CEP128: variants seen among roughly 807,000 people sequenced by gnomAD.
The protein encoded by CEP128 is centrosomal protein 128.
A neutral mutation model predicts 156.7 loss-of-function variants in CEP128; 132 were observed. That is an observed-to-expected ratio of 0.84 (90% CI 0.73 to 0.97). The LOEUF (loss-of-function observed/expected upper bound fraction) is 0.97, where lower values mean the gene tolerates loss of function less well. Among genes scored for constraint, CEP128 ranks in the 50% least tolerant of loss-of-function variants. CEP128 has a pLI of 0.00. For synonymous variants in CEP128, 469 were observed against 448.9 expected, an observed-to-expected ratio of 1.04 and a Z score of -0.57; for missense variants, 1,252 against 1,281.9, an observed-to-expected ratio of 0.98 and a Z score of 0.36.
At chr14:80,810,919 T>C (rs1216132632) in intron 13 of CEP128, among the ~76,000 whole-genome samples, 2 of 152,288 alleles carry the variant, frequency 1.3e-5, no homozygotes, top group South Asian at 2.1e-4. Context: ...GCATTAGCTA[T>C]TTTTCCTGAT....
At chr14:80,706,353 C>T (rs570564636) in intron 19 of CEP128, among the ~76,000 whole-genome samples, 1 of 152,066 alleles carries the variant, frequency 6.6e-6, no homozygotes, top group African/African-American at 2.4e-5. Context: ...TTTACAATAT[C>T]ACAATCAGGA....
intron 21 of CEP128, among the ~76,000 whole-genome samples, chr14:80,547,363 T>C (rs1890029193): frequency 1.3e-5 from 2 of 152,234 alleles, no homozygotes; most frequent in African/African-American, 4.8e-5. Context: ...TACTAAATAC[T>C]TGCAAAGCGT....
At chr14:80,915,823 A>G (rs1682560617) in intron 3 of CEP128, among the ~76,000 whole-genome samples, 1 of 152,222 alleles carries the variant, frequency 6.6e-6, no homozygotes, top group African/African-American at 2.4e-5. Context: ...CACCTATCAC[A>G]TATTTCAAAT....
At chr14:80,789,972 A>G (rs1346872095) in intron 14 of CEP128, among the ~76,000 whole-genome samples, 1 of 152,068 alleles carries the variant, frequency 6.6e-6, no homozygotes, top group East Asian at 1.9e-4. Flanking sequence ...CTTGAACTGT[A>G]TGTGATAGGA....
intron 19 of CEP128, among the ~76,000 whole-genome samples, chr14:80,621,770 A>G (rs1893489803): frequency 6.6e-6 from 1 of 152,158 alleles, no homozygotes; most frequent in Non-Finnish European, 1.5e-5. Context: ...CGATAACTCA[A>G]GTCCACTCCG....
intron 19 of CEP128, among the ~76,000 whole-genome samples, chr14:80,728,214 A>T (rs754805929): frequency 7.9e-5 from 12 of 152,240 alleles, no homozygotes; most frequent in Non-Finnish European, 1.5e-4. Context: ...ACATGTATGC[A>T]GCTAGAGGCT....
intron 4 of CEP128, among the ~76,000 whole-genome samples, chr14:80,910,928 A>T (rs1176822896): frequency 6.6e-6 from 1 of 152,224 alleles, no homozygotes. Context: ...TTGGAAACTG[A>T]TATATAAATG....
At chr14:80,845,832 A>C (rs1409433614) in intron 9 of CEP128, among the ~76,000 whole-genome samples, 1 of 152,206 alleles carries the variant, frequency 6.6e-6, no homozygotes, top group African/African-American at 2.4e-5. Flanking sequence ...AATAAATATT[A>C]ATTGATAATG....
intron 19 of CEP128, among the ~76,000 whole-genome samples, chr14:80,703,552 T>G (rs1182696036): frequency 6.6e-6 from 1 of 152,156 alleles, no homozygotes; most frequent in African/African-American, 2.4e-5. Flanking sequence ...ATGTTTCCTA[T>G]CTGATTTTCT....
At chr14:80,767,933 T>G (rs1230757376) in intron 16 of CEP128, among the ~76,000 whole-genome samples, 2 of 152,142 alleles carry the variant, frequency 1.3e-5, no homozygotes, top group Non-Finnish European at 2.9e-5. Flanking sequence ...CATCAGACTG[T>G]GAGTACCTCT....
intron 18 of CEP128, among the ~76,000 whole-genome samples, chr14:80,750,911 G>T (rs1899356791): frequency 6.6e-6 from 1 of 152,148 alleles, no homozygotes; most frequent in African/African-American, 2.4e-5. Flanking sequence ...AGGAAATTAA[G>T]GTTAAATAAG....
At chr14:80,523,617 C>CA (rs1888848817) in intron 23 of CEP128, among the ~76,000 whole-genome samples, 1 of 152,078 alleles carries the variant, frequency 6.6e-6, no homozygotes, top group Admixed American at 6.5e-5. Flanking sequence ...CCAACTACAA[C>CA]AAAAAAGGCA....
downstream of CEP128, among the ~76,000 whole-genome samples, chr14:80,494,057 T>C (rs557208015): frequency 7.2e-5 from 11 of 152,342 alleles, 1 homozygote; most frequent in African/African-American, 2.2e-4. Context: ...CTAAATGGAA[T>C]CTTTCGTGGT....
chr14:80,488,023 A>G (rs546567536), downstream of CEP128, among the ~76,000 whole-genome samples: 1 of 149,840 alleles, frequency 6.7e-6, no homozygotes, highest in East Asian at 2.0e-4. Context: ...AAATAACTAA[A>G]ATCAGAGCAG....
chr14:80,800,665 T>C (rs1447041345), intron 13 of CEP128, among the ~76,000 whole-genome samples: 1 of 152,186 alleles, frequency 6.6e-6, no homozygotes, highest in Admixed American at 6.5e-5. Context: ...GTTTCCTAAA[T>C]GTTTGTGAAC....
chr14:80,621,600 A>G (rs1893482116), intron 19 of CEP128, among the ~76,000 whole-genome samples: 2 of 152,238 alleles, frequency 1.3e-5, no homozygotes, highest in Admixed American at 1.3e-4. Context: ...AGCTTAAAAT[A>G]TACACATTAG....
chr14:80,900,553 C>T (rs1173389143), intron 6 of CEP128, among the ~76,000 whole-genome samples: 2 of 152,168 alleles, frequency 1.3e-5, no homozygotes, highest in Non-Finnish European at 2.9e-5. Context: ...GAAACTCTTC[C>T]TCATGTACAC....
chr14:80,791,805 A>G (rs1464289196), intron 14 of CEP128, among the ~76,000 whole-genome samples: 2 of 152,234 alleles, frequency 1.3e-5, no homozygotes, highest in East Asian at 3.8e-4. Context: ...TAAAAGATAA[A>G]GCATCTTTTC....
chr14:80,482,361 A>G (rs534256580), intron 14 of CEP128, among the ~76,000 whole-genome samples: 2 of 152,330 alleles, frequency 1.3e-5, no homozygotes, highest in South Asian at 2.1e-4. Context: ...ACGGTTCTTG[A>G]CTATTCCAAT....
Sources: gnomAD v4.1 joint callset for allele counts (sites outside exome capture counted in the v4.1 genomes callset) on GRCh38, gnomAD v4.1.1 for gene constraint, MANE v1.5 for transcripts, NCBI Gene and HGNC (gene_info 2026-07-23, HGNC 2026-07-21) for gene names.